EPHB1: variants seen among roughly 807,000 people sequenced by gnomAD.
EPHB1 encodes the protein ephrin type-B receptor 1.
In EPHB1, 30 loss-of-function variants were observed where a neutral mutation model predicts 94.4. The observed-to-expected ratio is 0.32, with a 90% confidence interval of 0.24 to 0.43. The LOEUF is 0.43. Among genes scored for constraint, EPHB1 ranks in the 20% least tolerant of loss-of-function variants. The pLI is 1.00. For synonymous variants in EPHB1, 522 were observed against 489.1 expected, an observed-to-expected ratio of 1.07 and a Z score of -0.89; for missense variants, 1,055 against 1,308.3, an observed-to-expected ratio of 0.81 and a Z score of 2.99.
intron 3 of EPHB1, among the ~76,000 whole-genome samples, chr3:135,059,517 A>G (rs1477764414): frequency 6.6e-6 from 1 of 152,176 alleles, no homozygotes; most frequent in Non-Finnish European, 1.5e-5. Flanking sequence ...CAGGAGAATG[A>G]TTACATGGAG....
At chr3:135,045,015 T>A (rs1181253447) in intron 3 of EPHB1, among the ~76,000 whole-genome samples, 2 of 152,246 alleles carry the variant, frequency 1.3e-5, no homozygotes, top group Admixed American at 1.3e-4. Context: ...AATTTAATGC[T>A]GCTGTAGCAT....
At chr3:134,916,383 G>C (rs1322917587) in intron 1 of EPHB1, among the ~76,000 whole-genome samples, 2 of 152,260 alleles carry the variant, frequency 1.3e-5, no homozygotes, top group Non-Finnish European at 2.9e-5. Flanking sequence ...GCGGTCGATG[G>C]GACCGGACAC....
Position 135,165,136 on chromosome 3 carries a change from A to G in EPHB1, c.1586-832A>G, listed in dbSNP as rs574622418. 3.3e-5 allele frequency among the ~76,000 whole-genome samples: 5 copies of G among 152,338 alleles called. No homozygotes were observed. In the South Asian group the frequency reaches 6.2e-4, roughly 19 times the overall value. On this transcript the variant is annotated intron_variant, in intron 7 of 15. Transcript: ENST00000398015. ...TGAAAGCATAACCAGGACAATACCA[A>G]TACTAGCCAGCTGGCCCAAATTATT...
chr3:135,113,977 G>A (rs1939572064), intron 4 of EPHB1, among the ~76,000 whole-genome samples: 1 of 152,168 alleles, frequency 6.6e-6, no homozygotes, highest in South Asian at 2.1e-4. Context: ...GATTTTCCTT[G>A]TGATTGGGAT....
At chr3:134,813,968 A>T (rs1401810248) in intron 1 of EPHB1, among the ~76,000 whole-genome samples, 1 of 152,160 alleles carries the variant, frequency 6.6e-6, no homozygotes, top group Non-Finnish European at 1.5e-5. Context: ...GCTCTGAGAA[A>T]AGCAGGCACC....
chr3:135,005,300 A>G (rs1935356766), intron 3 of EPHB1, among the ~76,000 whole-genome samples: 1 of 152,204 alleles, frequency 6.6e-6, no homozygotes, highest in Admixed American at 6.5e-5. Flanking sequence ...CCACTTGAGG[A>G]GGCAGTCTGC....
intron 1 of EPHB1, among the ~76,000 whole-genome samples, chr3:134,907,341 TTTC>T (rs1349678790): frequency 2.0e-5 from 3 of 152,234 alleles, no homozygotes; most frequent in African/African-American, 7.2e-5. Context: ...AGATATGTGT[TTTC>T]TTCTGCTGGT....
intron 1 of EPHB1, among the ~76,000 whole-genome samples, chr3:134,875,447 G>A (rs1272865396): frequency 1.3e-5 from 2 of 152,128 alleles, no homozygotes; most frequent in African/African-American, 4.8e-5. Context: ...TGGAAGGCAG[G>A]AGCACTTATG....
intron 3 of EPHB1, among the ~76,000 whole-genome samples, chr3:135,063,562 T>C (rs1196084724): frequency 5.9e-5 from 9 of 152,218 alleles, no homozygotes; most frequent in South Asian, 2.1e-4. Context: ...TTTGCTGAAT[T>C]CTTTTATCAG....
intron 5 of EPHB1, among the ~76,000 whole-genome samples, chr3:135,137,751 T>C (rs568904187): frequency 6.6e-6 from 1 of 152,286 alleles, no homozygotes; most frequent in South Asian, 2.1e-4. Context: ...TGCTATGGAC[T>C]GAGAGATTAG....
intron 12 of EPHB1, among the ~76,000 whole-genome samples, chr3:135,231,945 G>A (rs1462635912): frequency 6.6e-6 from 1 of 152,142 alleles, no homozygotes; most frequent in Admixed American, 6.5e-5. Flanking sequence ...GTGGCTTCTG[G>A]AAAGAAATAA....
chr3:135,174,398 C>G (rs776453253), intron 9 of EPHB1, among the ~76,000 whole-genome samples: 1 of 152,132 alleles, frequency 6.6e-6, no homozygotes, highest in Non-Finnish European at 1.5e-5. Context: ...CAGTGCAATA[C>G]GATGTGCACT....
chr3:135,075,208 A>T (rs1382395355), intron 3 of EPHB1, among the ~76,000 whole-genome samples: 1 of 152,076 alleles, frequency 6.6e-6, no homozygotes, highest in Non-Finnish European at 1.5e-5. Flanking sequence ...CATCTCTACC[A>T]CCTGTCAATG....
intron 1 of EPHB1, among the ~76,000 whole-genome samples, chr3:134,817,210 C>T (rs2036288949): frequency 6.6e-6 from 1 of 152,050 alleles, no homozygotes; most frequent in South Asian, 2.1e-4. Flanking sequence ...GTTTGAAGGC[C>T]CCAGTCAGCC....
At chr3:134,895,371 G>A (rs889329566) in intron 1 of EPHB1, among the ~76,000 whole-genome samples, 2 of 152,226 alleles carry the variant, frequency 1.3e-5, no homozygotes, top group Non-Finnish European at 2.9e-5. Flanking sequence ...GGACACAGGG[G>A]TGGTCTTGGT....
At chr3:134,813,808 G>C (rs574856195) in intron 1 of EPHB1, among the ~76,000 whole-genome samples, 2 of 152,340 alleles carry the variant, frequency 1.3e-5, no homozygotes, top group South Asian at 4.1e-4. Flanking sequence ...AGTGATCACA[G>C]TAATCATGGG....
chr3:134,952,132 C>A (rs546652844), intron 3 of EPHB1, 80 bp downstream of exon 3: 2 of 1,415,190 alleles, frequency 1.4e-6, no homozygotes, highest in South Asian at 1.3e-5. Context: ...AATTCTGGGT[C>A]ATACAGGAAC....
chr3:135,173,156 T>C (rs1029854500), intron 9 of EPHB1, among the ~76,000 whole-genome samples: 91 of 149,234 alleles, frequency 6.1e-4, no homozygotes, highest in African/African-American at 2.2e-3. Context: ...TGCCTCAGCC[T>C]CCCAAGTAGC....
chr3:134,833,685 G>C (rs2108294292), intron 1 of EPHB1, among the ~76,000 whole-genome samples: 1 of 152,298 alleles, frequency 6.6e-6, no homozygotes, highest in Non-Finnish European at 1.5e-5. Context: ...GGACTGGCCA[G>C]GCCTGAGGGT....
Sources: allele counts gnomAD v4.1 joint callset (sites outside exome capture counted in the v4.1 genomes callset), GRCh38; gene constraint gnomAD v4.1.1; transcripts MANE v1.5; gene names NCBI Gene and HGNC (gene_info 2026-07-23, HGNC 2026-07-21).